MAST2: variants seen among roughly 807,000 people sequenced by gnomAD.
MAST2 encodes the protein microtubule-associated serine/threonine-protein kinase 2.
A neutral mutation model predicts 147.4 loss-of-function variants in MAST2; 70 were observed. The ratio of observed to expected loss-of-function variants is 0.47; its 90% confidence interval spans 0.39 to 0.58. The LOEUF (loss-of-function observed/expected upper bound fraction) is 0.58, where lower values mean the gene tolerates loss of function less well. Ranked by LOEUF, MAST2 falls within the 20% of genes least tolerant of loss-of-function variation. The pLI, the probability that MAST2 is intolerant of heterozygous loss-of-function variation, is 0.00. For synonymous variants in MAST2, 869 were observed against 896.8 expected, an observed-to-expected ratio of 0.97 and a Z score of 0.55; for missense variants, 2,080 against 2,302.3, an observed-to-expected ratio of 0.90 and a Z score of 1.98.
Position 46,035,879 on chromosome 1 carries a change from A to C in MAST2, c.5210A>C (p.Glu1737Ala). The change falls in exon 29 of 29, where the codon GAG becomes GCG. Residue 1737 changes from glutamate (E) to alanine (A), a missense_variant. This residue lies in a region of MAST2 where 1,278 missense variants were observed against 1,304.2 expected (regional missense o/e 0.98). Coordinates refer to ENST00000361297, the MANE Select transcript of MAST2 (RefSeq NM_015112.3). This position sits in a 1 kb window ranked among gnomAD's most constrained non-coding sequence, Gnocchi z 5.5. ...TCTGAGTGTGCACAAGCAGTGAAAG[A>C]GGATCCAGCCCTGAGCATCACCCAA... is the stretch of plus-strand genomic sequence containing the variant. ...WESECAQAVK[E>A]DPALSITQVP... 1 of 1,614,146 alleles carries C rather than the reference A, an allele frequency of 6.2e-7. No individual in the cohort carries two copies. Among genetic ancestry groups the C allele is most frequent in the East Asian group, 2.2e-5 (1 of 44,874 alleles).
chr1:45,918,084 A>G (rs1189889174), intron 4 of MAST2, among the ~76,000 whole-genome samples: 1 of 152,224 alleles, frequency 6.6e-6, no homozygotes, highest in East Asian at 1.9e-4. Flanking sequence ...TAGTGGAGAA[A>G]GAGAGACAAG....
chr1:46,035,368 A>G lies in MAST2; in HGVS notation c.4699A>G (p.Thr1567Ala). 2 of 1,613,274 alleles carry G rather than the reference A, an allele frequency of 1.2e-6. No individual in the cohort carries two copies. Among genetic ancestry groups the G allele is most frequent in the Non-Finnish European group, 1.7e-6 (2 of 1,179,720 alleles). Residue 1567 changes from threonine to alanine, a missense_variant, in exon 29 of 29, where the codon ACA (threonine) becomes GCA (alanine). Physicochemically the swap from Thr to Ala is moderately conservative, Grantham distance 58 (BLOSUM62 0). This residue lies in a region of MAST2 where 1,278 missense variants were observed against 1,304.2 expected (regional missense o/e 0.98). Coordinates refer to ENST00000361297, the MANE Select transcript of MAST2 (RefSeq NM_015112.3). The surrounding 1 kb of genome is among the most constrained non-coding windows in gnomAD (Gnocchi z 5.5). ...PMVPSLLTGI[T>A]LGPPRMESPS... Reference sequence around the variant, plus strand: ...GGTCCCAAGCCTATTGACAGGGATCACACTGGGGCCTCCCAGAATGGAAAG... The same window carrying G: ...GGTCCCAAGCCTATTGACAGGGATCGCACTGGGGCCTCCCAGAATGGAAAG...
intron 1 of MAST2, 25 bp downstream of exon 1, chr1:45,804,097 G>A: frequency 7.8e-7 from 1 of 1,276,834 alleles, no homozygotes; most frequent in Admixed American, 4.2e-5. Flanking sequence ...GATCCGGGAG[G>A]GTGAACCTGA....
At chr1:45,846,843 A>G (rs2147953196) in intron 3 of MAST2, among the ~76,000 whole-genome samples, 1 of 151,928 alleles carries the variant, frequency 6.6e-6, no homozygotes, top group Admixed American at 6.6e-5. Flanking sequence ...AAAAAAATTA[A>G]TAACACCATT....
At chr1:46,030,087 C>A in intron 20 of MAST2, 42 bp from the exon 21 acceptor site, 1 of 1,608,498 alleles carries the variant, frequency 6.2e-7, no homozygotes, top group Non-Finnish European at 8.5e-7. Context: ...AGGAGGCCAC[C>A]AGCAGGGCTC....
At chr1:45,885,552 G>T (rs768855433) in intron 4 of MAST2, among the ~76,000 whole-genome samples, 2 of 152,108 alleles carry the variant, frequency 1.3e-5, no homozygotes, top group African/African-American at 4.8e-5. Context: ...CTCCAAATTG[G>T]TAAGTGGAAG....
At chr1:46,017,508 G>C (rs1646004049) in intron 10 of MAST2, among the ~76,000 whole-genome samples, 1 of 152,096 alleles carries the variant, frequency 6.6e-6, no homozygotes, top group Admixed American at 6.5e-5. Context: ...GTGGGCGAAG[G>C]ACATGAGCAG....
intron 8 of MAST2, 21 bp downstream of exon 8, chr1:46,006,416 C>A (rs760111711): frequency 1.2e-6 from 2 of 1,606,862 alleles, no homozygotes; most frequent in South Asian, 2.2e-5. Context: ...TCTCTGCCCA[C>A]TGTTCCAGTG....
At chr1:45,815,077 T>C (rs1259446957) in intron 1 of MAST2, among the ~76,000 whole-genome samples, 1 of 152,238 alleles carries the variant, frequency 6.6e-6, no homozygotes, top group Non-Finnish European at 1.5e-5. Context: ...ACCTGAGTAG[T>C]AGATGCATAT....
intron 4 of MAST2, among the ~76,000 whole-genome samples, chr1:45,946,711 A>C (rs1228849032): frequency 6.6e-6 from 1 of 152,158 alleles, no homozygotes. Flanking sequence ...TTCAGTGTAG[A>C]GATAATCTGT....
At chr1:45,932,025 A>T (rs1044160164) in intron 4 of MAST2, among the ~76,000 whole-genome samples, 2 of 152,196 alleles carry the variant, frequency 1.3e-5, no homozygotes, top group Non-Finnish European at 2.9e-5. Flanking sequence ...CTGTTAGGTG[A>T]TACAGGCTTT....
At chr1:45,858,433 A>T (rs1187375901) in intron 3 of MAST2, among the ~76,000 whole-genome samples, 1 of 151,860 alleles carries the variant, frequency 6.6e-6, no homozygotes, top group Non-Finnish European at 1.5e-5. Context: ...GTCTGTTCAT[A>T]TCCTTTGCCC....
chr1:46,012,276 T>G, intron 10 of MAST2, among the ~76,000 whole-genome samples: 1 of 152,226 alleles, frequency 6.6e-6, no homozygotes, highest in Non-Finnish European at 1.5e-5. Flanking sequence ...ATTTATCTTC[T>G]AAAATGCTAA....
chr1:46,030,929 C>A (rs1646635113), intron 22 of MAST2, 78 bp from the exon 23 acceptor site: 2 of 1,536,206 alleles, frequency 1.3e-6, no homozygotes, highest in South Asian at 1.2e-5. Context: ...TTACTATAAC[C>A]CTTGTGTGCC....
intron 4 of MAST2, among the ~76,000 whole-genome samples, chr1:45,907,576 A>G (rs1300069400): frequency 2.0e-5 from 3 of 151,730 alleles, no homozygotes; most frequent in African/African-American, 7.3e-5. Context: ...TTGTGCCTCA[A>G]CTTCTGGCAT....
chr1:45,956,865 T>C (rs1411238044), intron 4 of MAST2, among the ~76,000 whole-genome samples: 1 of 152,198 alleles, frequency 6.6e-6, no homozygotes, highest in African/African-American at 2.4e-5. Context: ...TATCATCTCT[T>C]GGCATACATA....
intron 3 of MAST2, among the ~76,000 whole-genome samples, chr1:45,877,502 A>G (rs765697016): frequency 1.3e-5 from 2 of 152,174 alleles, no homozygotes; most frequent in South Asian, 2.1e-4. Flanking sequence ...TTAAAGTCCA[A>G]TGTGAATTTT....
intron 3 of MAST2, among the ~76,000 whole-genome samples, chr1:45,837,086 CACCCTCAT>C (rs1645125783): frequency 6.6e-6 from 1 of 152,194 alleles, no homozygotes; most frequent in African/African-American, 2.4e-5. Flanking sequence ...CGGTAATGCT[CACCCTCAT>C]ACAGCTCATC....
chr1:45,838,558 G>A (rs1166696376), intron 3 of MAST2, among the ~76,000 whole-genome samples: 2 of 151,866 alleles, frequency 1.3e-5, no homozygotes, highest in African/African-American at 2.4e-5. Context: ...ATGATCAAAT[G>A]TCTGTTCAAA....
Sources: gnomAD v4.1 joint callset for allele counts (sites outside exome capture counted in the v4.1 genomes callset) on GRCh38, gnomAD v4.1.1 for gene constraint, gnomAD v4.1.1 regional missense constraint, Gnocchi (gnomAD v3.1) non-coding constraint, MANE v1.5 for transcripts, NCBI Gene and HGNC (gene_info 2026-07-23, HGNC 2026-07-21) for gene names.